ROBO2: variants seen among roughly 807,000 people sequenced by gnomAD.
ROBO2 encodes the protein roundabout guidance receptor 2.
In ROBO2, 53 loss-of-function variants were observed where a neutral mutation model predicts 160.8. The observed-to-expected ratio is 0.33, with a 90% CI of 0.26 to 0.41. The LOEUF (loss-of-function observed/expected upper bound fraction) is 0.41, where lower values mean the gene tolerates loss of function less well. Among genes scored for constraint, ROBO2 ranks in the 10% least tolerant of loss-of-function variants. The pLI, the probability that ROBO2 is intolerant of heterozygous loss-of-function variation, is 1.00. For missense variants in ROBO2, 1,577 were observed against 1,722.4 expected, an observed-to-expected ratio of 0.92 and a Z score of 1.49; for synonymous variants, 664 against 611.7, an observed-to-expected ratio of 1.09 and a Z score of -1.26.
intron 2 of ROBO2, among the ~76,000 whole-genome samples, chr3:77,148,158 G>T (rs781782035): frequency 2.0e-5 from 3 of 152,232 alleles, no homozygotes; most frequent in Non-Finnish European, 4.4e-5. Flanking sequence ...TTTAAAGGAG[G>T]TAGGTTTGAA....
chr3:76,220,810 G>A (rs577846634), intron 2 of ROBO2, among the ~76,000 whole-genome samples: 1 of 152,148 alleles, frequency 6.6e-6, no homozygotes, highest in African/African-American at 2.4e-5. Flanking sequence ...GATAATTTTA[G>A]TCCTTAGTTC....
intron 2 of ROBO2, among the ~76,000 whole-genome samples, chr3:76,372,312 G>T (rs1262594313): frequency 1.3e-5 from 2 of 151,756 alleles, no homozygotes; most frequent in South Asian, 2.1e-4. Flanking sequence ...TTTCAGACTT[G>T]CCTCTCCCAA....
intron 2 of ROBO2, among the ~76,000 whole-genome samples, chr3:77,001,805 C>T (rs2061347327): frequency 6.9e-6 from 1 of 145,620 alleles, no homozygotes; most frequent in African/African-American, 2.5e-5. Context: ...TATTTTTGCT[C>T]CAAAAAACTT....
chr3:76,563,126 T>C (rs186234448), intron 2 of ROBO2, among the ~76,000 whole-genome samples: 1 of 152,282 alleles, frequency 6.6e-6, no homozygotes, highest in Admixed American at 6.5e-5. Flanking sequence ...TATGATGCTG[T>C]TCTGAATACC....
intron 1 of ROBO2, among the ~76,000 whole-genome samples, chr3:77,091,769 A>G (rs1010021167): frequency 2.6e-5 from 4 of 152,046 alleles, no homozygotes; most frequent in Non-Finnish European, 5.9e-5. Context: ...GCTTGAGGCC[A>G]GGGGTTCGAG....
chr3:75,986,487 C>T (rs896965495), intron 2 of ROBO2, among the ~76,000 whole-genome samples: 6 of 150,682 alleles, frequency 4.0e-5, no homozygotes, highest in Non-Finnish European at 7.4e-5. Context: ...TTTTTTCATT[C>T]TCTGGGTTGC....
At chr3:77,262,449 G>A (rs1471881615) in intron 2 of ROBO2, among the ~76,000 whole-genome samples, 2 of 152,098 alleles carry the variant, frequency 1.3e-5, no homozygotes, top group Non-Finnish European at 2.9e-5. Flanking sequence ...GTGCTGATAG[G>A]TGTACTGGGA....
At chr3:76,551,430 T>C (rs2083413430) in intron 2 of ROBO2, among the ~76,000 whole-genome samples, 1 of 152,058 alleles carries the variant, frequency 6.6e-6, no homozygotes, top group South Asian at 2.1e-4. Context: ...CACCCTCCAG[T>C]TGTCCACGTA....
At chr3:77,593,351 GATTA>G (rs1170749909) in intron 17 of ROBO2, among the ~76,000 whole-genome samples, 1 of 152,020 alleles carries the variant, frequency 6.6e-6, no homozygotes, top group African/African-American at 2.4e-5. Flanking sequence ...AATTATTTCA[GATTA>G]ATTCTTTTTT....
At chr3:77,048,124 G>T (rs2149672901) in intron 1 of ROBO2, among the ~76,000 whole-genome samples, 1 of 152,320 alleles carries the variant, frequency 6.6e-6, no homozygotes, top group East Asian at 1.9e-4. Flanking sequence ...GTTATAATTA[G>T]TAGTATTTTT....
At chr3:77,562,099 G>C (rs1258413969) in intron 9 of ROBO2, among the ~76,000 whole-genome samples, 1 of 151,946 alleles carries the variant, frequency 6.6e-6, no homozygotes, top group Non-Finnish European at 1.5e-5. Context: ...GCAAAACTCT[G>C]TCTCGGGGTA....
intron 2 of ROBO2, among the ~76,000 whole-genome samples, chr3:76,372,153 C>T (rs931788192): frequency 1.3e-5 from 2 of 151,726 alleles, no homozygotes; most frequent in Non-Finnish European, 2.9e-5. Context: ...CCTTTTGTTA[C>T]TTTATACATT....
chr3:75,953,414 T>G (rs2107207002), intron 2 of ROBO2, among the ~76,000 whole-genome samples: 1 of 152,062 alleles, frequency 6.6e-6, no homozygotes, highest in Non-Finnish European at 1.5e-5. Flanking sequence ...TTGGCCTATT[T>G]TTTAAATGAG....
chr3:77,562,428 G>A (rs2093351605), intron 9 of ROBO2, among the ~76,000 whole-genome samples: 2 of 151,926 alleles, frequency 1.3e-5, no homozygotes, highest in Non-Finnish European at 2.9e-5. Context: ...ACATTGAGGT[G>A]CATAAATATT....
chr3:76,200,883 TACAAA>T (rs1702491181), intron 2 of ROBO2, among the ~76,000 whole-genome samples: 1 of 152,184 alleles, frequency 6.6e-6, no homozygotes. Context: ...TTGGACCCCT[TACAAA>T]ACTAGCATGT....
At chr3:75,993,059 A>G (rs2065619981) in intron 2 of ROBO2, among the ~76,000 whole-genome samples, 1 of 152,170 alleles carries the variant, frequency 6.6e-6, no homozygotes, top group South Asian at 2.1e-4. Flanking sequence ...GCCTTGTCTC[A>G]GATGAAACTT....
intron 2 of ROBO2, among the ~76,000 whole-genome samples, chr3:76,891,732 G>A (rs996152905): frequency 6.6e-6 from 1 of 152,136 alleles, no homozygotes; most frequent in Non-Finnish European, 1.5e-5. Flanking sequence ...CGAAAAGGAG[G>A]AGAACCTATA....
At chr3:77,422,729 A>G (rs2077823219) in intron 2 of ROBO2, among the ~76,000 whole-genome samples, 1 of 152,160 alleles carries the variant, frequency 6.6e-6, no homozygotes, top group African/African-American at 2.4e-5. Flanking sequence ...CATTGCCTGG[A>G]CACTCACAGT....
intron 2 of ROBO2, among the ~76,000 whole-genome samples, chr3:76,978,819 A>G (rs2059936577): frequency 6.6e-6 from 1 of 151,986 alleles, no homozygotes; most frequent in Non-Finnish European, 1.5e-5. Flanking sequence ...CCAAGCAAAG[A>G]CAGAGAAGAT....
Sources: allele counts gnomAD v4.1 joint callset (sites outside exome capture counted in the v4.1 genomes callset), GRCh38; gene constraint gnomAD v4.1.1; transcripts MANE v1.5; gene names NCBI Gene and HGNC (gene_info 2026-07-23, HGNC 2026-07-21).